LHX4: variants seen among roughly 807,000 people sequenced by gnomAD.
LHX4 encodes LIM homeobox 4, also known as LIM/homeobox protein Lhx4.
In LHX4, 16 loss-of-function variants were observed where a neutral mutation model predicts 39.2. The observed-to-expected ratio is 0.41, with a 90% CI of 0.28 to 0.62. LHX4 has a LOEUF of 0.62. Ranked by LOEUF, LHX4 falls within the 20% of genes least tolerant of loss-of-function variation. The pLI is 0.33. For synonymous variants in LHX4, 206 were observed against 198.1 expected (o/e 1.04, Z -0.33); for missense variants, 439 against 511.9 (o/e 0.86, Z 1.37).
rs1259955367 is a variant in LHX4 at position 180,266,968 on chromosome 1, C to A, written c.451+374C>A. On this transcript the variant is annotated intron_variant, in intron 3 of 5. Coordinates refer to ENST00000263726, the MANE Select transcript of LHX4 (RefSeq NM_033343.4). This position sits in a 1 kb window ranked among gnomAD's most constrained non-coding sequence, Gnocchi z 5.7. Reference sequence around the variant, plus strand: ...GGTCTGTATTGGACACGTGGGGCTGCCGCTTAGTTTTGCACATCAGGGTGC... The same window carrying A: ...GGTCTGTATTGGACACGTGGGGCTGACGCTTAGTTTTGCACATCAGGGTGC... Among the ~76,000 whole-genome samples the A allele has an allele frequency of 6.6e-6, 1 of 152,176 alleles. No homozygotes were observed. Among genetic ancestry groups the A allele is most frequent in the Non-Finnish European group, 1.5e-5 (1 of 68,020 alleles).
chr1:180,268,244 T>C (rs1404442379), intron 3 of LHX4, among the ~76,000 whole-genome samples: 1 of 152,148 alleles, frequency 6.6e-6, no homozygotes, highest in Non-Finnish European at 1.5e-5. Context: ...TCATCAGAGA[T>C]ACTAAGATGG....
At position 180,234,105 on chromosome 1, in the gene LHX4, G is replaced by C. The variant is rs1664246480; in HGVS notation, c.76+3500G>C. On this transcript the variant is annotated intron_variant, in intron 1 of 5. Coordinates refer to ENST00000263726, the MANE Select transcript of LHX4 (RefSeq NM_033343.4). This position sits in a 1 kb window ranked among gnomAD's most constrained non-coding sequence, Gnocchi z 4.8. ...GTTCACTCAAACGCTGGTGCTGTTC[G>C]CTCTTCTTTCCATTCCTGCCTTGTC... 7.1e-6 allele frequency among the ~76,000 whole-genome samples: 1 copy of C among 141,076 alleles called. No homozygotes were observed. Among genetic ancestry groups the C allele is most frequent in the African/African-American group, 2.6e-5 (1 of 38,084 alleles). 92.6% of individuals were successfully genotyped at this position (141,076 alleles called of 152,430 possible).
At chr1:180,247,027 G>A (rs946038356) in intron 1 of LHX4, among the ~76,000 whole-genome samples, 17 of 152,170 alleles carry the variant, frequency 1.1e-4, no homozygotes, top group African/African-American at 2.4e-4. Context: ...GAGGCCAAAC[G>A]CTTGCACTTT....
rs1245452455 is a variant in LHX4, at chr1:180,276,864, C to CTGTT, written c.*2287_*2290dup. 1 of 80,630 alleles carries CTGTT rather than the reference C, an allele frequency of 1.2e-5. No individual in the cohort carries two copies. The highest frequency in any genetic ancestry group is 2.7e-5 in the Non-Finnish European group (1 of 37,568). 5.0% of individuals were successfully genotyped at this position (80,630 alleles called of 1,614,324 possible). A position where few individuals can be genotyped will look rare whatever the true frequency, so the allele number is the denominator to read the frequency against. ...GGGGGGCATCCTCCTCTGTGTAGCA[C>CTGTT]TGTTTAAGATCACTGTAAGTAAGTT... On this transcript the variant is annotated 3_prime_UTR_variant, in exon 6 of 6. Transcript: ENST00000263726.
intron 3 of LHX4, among the ~76,000 whole-genome samples, chr1:180,268,544 G>T (rs773271958): frequency 6.6e-6 from 1 of 152,216 alleles, no homozygotes; most frequent in Non-Finnish European, 1.5e-5. Flanking sequence ...GCAAGTTGTA[G>T]AACTGGCTGA....
chr1:180,253,883 G>T (rs1262804127), intron 2 of LHX4, among the ~76,000 whole-genome samples: 1 of 152,200 alleles, frequency 6.6e-6, no homozygotes, highest in African/African-American at 2.4e-5. Context: ...ACTCTTAACT[G>T]CCTGGAGCTC....
chr1:180,242,765 T>A (rs1057266971), intron 1 of LHX4, among the ~76,000 whole-genome samples: 1 of 152,178 alleles, frequency 6.6e-6, no homozygotes, highest in African/African-American at 2.4e-5. Flanking sequence ...GCAGAGAGCA[T>A]CGTCACGAAA....
Position 180,232,596 on chromosome 1 carries a change from G to C in LHX4, c.76+1991G>C, listed in dbSNP as rs1432066297. 6.6e-6 allele frequency among the ~76,000 whole-genome samples: 1 copy of C among 152,210 alleles called. No individual in the cohort carries two copies. Among genetic ancestry groups the C allele is most frequent in the African/African-American group, 2.4e-5 (1 of 41,452 alleles). On this transcript the variant is annotated intron_variant, in intron 1 of 5. Transcript: ENST00000263726. The surrounding 1 kb of genome is among the most constrained non-coding windows in gnomAD (Gnocchi z 5.4). The stretch of plus-strand genomic sequence containing the variant: ...GGTGGTCAGTCCTCCCTTTGTCCGA[G>C]TTTCGTGACCTTGGTTGGAGGAGGC...
chr1:180,260,169 C>T (rs777432999), intron 2 of LHX4, among the ~76,000 whole-genome samples: 7 of 151,490 alleles, frequency 4.6e-5, no homozygotes, highest in Non-Finnish European at 8.8e-5. Context: ...AGGTGAGGGT[C>T]GGATGAGATC....
intron 2 of LHX4, among the ~76,000 whole-genome samples, chr1:180,256,731 T>C (rs1170254793): frequency 6.6e-6 from 1 of 152,102 alleles, no homozygotes; most frequent in South Asian, 2.1e-4. Flanking sequence ...CAGGGGTGGC[T>C]TTTCTCTCAG....
chr1:180,237,488 G>A (rs1664352122), intron 1 of LHX4, among the ~76,000 whole-genome samples: 1 of 152,154 alleles, frequency 6.6e-6, no homozygotes, highest in South Asian at 2.1e-4. Context: ...TTGGGGGTAG[G>A]TGGACAGGTT....
At chr1:180,253,566 G>A (rs904990883) in intron 2 of LHX4, among the ~76,000 whole-genome samples, 1 of 152,276 alleles carries the variant, frequency 6.6e-6, no homozygotes, top group Non-Finnish European at 1.5e-5. Context: ...AAGGAGCTCA[G>A]TTGAATTCCT....
Position 180,233,371 on chromosome 1 carries a change from C to T in LHX4, c.76+2766C>T, listed in dbSNP as rs755154866. Among the ~76,000 whole-genome samples the T allele has an allele frequency of 2.2e-4, 33 of 152,196 alleles. 1 individual carries two copies. The highest frequency in any genetic ancestry group is 3.8e-4 in the Non-Finnish European group (26 of 68,030). On this transcript the variant is annotated intron_variant, in intron 1 of 5. Transcript: ENST00000263726. The stretch of plus-strand genomic sequence containing the variant: ...GGCCCCCGGTGCGGGCCTCGTCGCT[C>T]CGACAGCCCTACAGCTGTCCCTACG...
At chr1:180,248,119 C>G (rs1223843100) in intron 1 of LHX4, among the ~76,000 whole-genome samples, 166 bp from the exon 2 acceptor site, 1 of 152,226 alleles carries the variant, frequency 6.6e-6, no homozygotes, top group Non-Finnish European at 1.5e-5. Flanking sequence ...TGACTACGTA[C>G]GTTTGTGTGC....
At chr1:180,253,366 G>C (rs1647705018) in intron 2 of LHX4, among the ~76,000 whole-genome samples, 2 of 152,244 alleles carry the variant, frequency 1.3e-5, no homozygotes, top group Admixed American at 6.5e-5. Flanking sequence ...CTGGAGCACA[G>C]CACAGACCTC....
In LHX4 at chr1:180,239,686, G is replaced by T. The variant is rs186854489; in HGVS notation, c.77-8599G>T. On this transcript the variant is annotated intron_variant, in intron 1 of 5. Coordinates refer to ENST00000263726, the MANE Select transcript of LHX4 (RefSeq NM_033343.4). The stretch of plus-strand genomic sequence containing the variant: ...TTTAGTCCTAATTCGGCCTCAAACT[G>T]TGTACCCGTAGGGAAGCCCCTTATT... Among the ~76,000 whole-genome samples the T allele has an allele frequency of 6.6e-5, 10 of 152,334 alleles. No individual in the cohort carries two copies. In the East Asian group the frequency reaches 1.9e-3, roughly 29 times the overall value.
chr1:180,271,004 GTTCACC>G (rs1571292611), intron 3 of LHX4: 1 of 328,470 alleles, frequency 3.0e-6, no homozygotes, highest in East Asian at 7.7e-5. Flanking sequence ...CAACCTGGCT[GTTCACC>G]TTCACAGCTC....
In LHX4 at chr1:180,274,312, G is replaced by C. The variant is rs1281263356; in HGVS notation, c.906G>C (p.Leu302Phe). The C allele has an allele frequency of 1.2e-6, 2 of 1,614,112 alleles. No homozygotes were observed. The highest frequency in any genetic ancestry group is 1.3e-5 in the African/African-American group (1 of 74,942). The change falls in exon 6 of 6, where the codon TTG (leucine) becomes TTC (phenylalanine). Residue 302 changes from leucine to phenylalanine, a missense_variant. By Grantham distance (22) the Leu-to-Phe change is conservative. Transcript: ENST00000263726. ...MDGTGQSYQD[L>F]RDGSPYGIPQ... ...GGACAGGACAATCCTATCAGGACTT[G>C]AGGGATGGGAGCCCCTATGGAATCC...
At chr1:180,248,529 C>A in intron 2 of LHX4, 73 bp downstream of exon 2, 1 of 1,550,494 alleles carries the variant, frequency 6.4e-7, no homozygotes, top group Non-Finnish European at 8.9e-7. Flanking sequence ...GGGAAGTTTG[C>A]AGCAGGGTAG....
Sources: gnomAD v4.1 joint callset for allele counts (sites outside exome capture counted in the v4.1 genomes callset) on GRCh38, gnomAD v4.1.1 for gene constraint, Gnocchi (gnomAD v3.1) non-coding constraint, MANE v1.5 for transcripts, NCBI Gene and HGNC (gene_info 2026-07-23, HGNC 2026-07-21) for gene names.